The following RMST variants were observed in gnomAD, a reference collection of about 807,000 sequenced individuals.
The protein encoded by RMST is long intergenic non-protein coding RNA 54.
chr12:97,547,508 C>A (rs868717795), intron 11 of RMST, among the ~76,000 whole-genome samples: 1 of 152,146 alleles, frequency 6.6e-6, no homozygotes. Flanking sequence ...ACATTCTAAC[C>A]AATGGTGTGA....
chr12:97,527,326 G>A (rs190203690), intron 10 of RMST, among the ~76,000 whole-genome samples: 6 of 152,196 alleles, frequency 3.9e-5, no homozygotes, highest in South Asian at 4.1e-4. Flanking sequence ...TGCTTCAACC[G>A]TTAAAACATT....
intron 10 of RMST, among the ~76,000 whole-genome samples, chr12:97,507,653 C>T (rs1458724807): frequency 6.6e-6 from 1 of 152,150 alleles, no homozygotes; most frequent in Admixed American, 6.5e-5. Context: ...TAAAATGCCT[C>T]TAAGAAATCC....
intron 10 of RMST, among the ~76,000 whole-genome samples, chr12:97,529,834 A>G (rs555862137): frequency 1.3e-5 from 2 of 152,258 alleles, no homozygotes; most frequent in East Asian, 3.9e-4. Context: ...ACACTAATAT[A>G]TGATTTCAGT....
intron 10 of RMST, among the ~76,000 whole-genome samples, chr12:97,524,485 G>A (rs1023303660): frequency 4.6e-5 from 7 of 152,194 alleles, no homozygotes; most frequent in Non-Finnish European, 8.8e-5. Context: ...ACCTAATAGT[G>A]TCTAAAATTA....
chr12:97,559,039 C>T (rs1423949154), intron 11 of RMST, among the ~76,000 whole-genome samples: 1 of 151,422 alleles, frequency 6.6e-6, no homozygotes, highest in Non-Finnish European at 1.5e-5. Context: ...TCACACAGAA[C>T]GACACAAGAA....
intron 4 of RMST, among the ~76,000 whole-genome samples, chr12:97,464,589 G>A (rs1448034459): frequency 6.6e-6 from 1 of 152,152 alleles, no homozygotes; most frequent in African/African-American, 2.4e-5. Flanking sequence ...CTTTTGTAAT[G>A]GGTGCAGGGT....
At chr12:97,479,776 G>T (rs2136415392) in intron 5 of RMST, among the ~76,000 whole-genome samples, 1 of 152,144 alleles carries the variant, frequency 6.6e-6, no homozygotes, top group African/African-American at 2.4e-5. Flanking sequence ...CCACCATCAT[G>T]GTTTGTAGCT....
intron 5 of RMST, among the ~76,000 whole-genome samples, chr12:97,471,636 A>AT (rs1873930305): frequency 6.6e-6 from 1 of 152,098 alleles, no homozygotes; most frequent in Non-Finnish European, 1.5e-5. Flanking sequence ...TGGTGATTTC[A>AT]TTTTGACACT....
At chr12:97,537,260 C>T (rs1882145409) in intron 11 of RMST, among the ~76,000 whole-genome samples, 1 of 151,324 alleles carries the variant, frequency 6.6e-6, no homozygotes, top group Non-Finnish European at 1.5e-5. Context: ...AATTCATTAA[C>T]CATTTGAGTC....
chr12:97,548,074 A>G (rs1434544716), intron 11 of RMST, among the ~76,000 whole-genome samples: 1 of 152,040 alleles, frequency 6.6e-6, no homozygotes, highest in Non-Finnish European at 1.5e-5. Flanking sequence ...ATTTTTGTAT[A>G]TAGTTTGAAA....
intron 10 of RMST, among the ~76,000 whole-genome samples, chr12:97,497,679 A>ATTT (rs113722074): frequency 0.023 from 3,356 of 143,078 alleles, 132 homozygotes; most frequent in African/African-American, 0.081. Context: ...CACAAGGATG[A>ATTT]TTTTTTTTTT....
chr12:97,543,405 A>G (rs1882702455), intron 11 of RMST, among the ~76,000 whole-genome samples: 1 of 152,004 alleles, frequency 6.6e-6, no homozygotes, highest in Non-Finnish European at 1.5e-5. Flanking sequence ...ATCCCTCTAG[A>G]AAGTAAATGC....
chr12:97,563,701 T>C (rs540478167), intron 13 of RMST: 12 of 435,096 alleles, frequency 2.8e-5, no homozygotes, highest in Admixed American at 2.5e-4. Flanking sequence ...CAAGTGTGCT[T>C]CCTGTCACTT....
At chr12:97,523,944 T>C (rs35647250) in intron 10 of RMST, among the ~76,000 whole-genome samples, 11,963 of 151,290 alleles carry the variant, frequency 0.079, 987 homozygotes, top group Admixed American at 0.24. Flanking sequence ...GGCATGGTGG[T>C]GCGTGCCTGT....
At chr12:97,514,665 TTG>T (rs1030486163) in intron 10 of RMST, among the ~76,000 whole-genome samples, 4 of 146,824 alleles carry the variant, frequency 2.7e-5, no homozygotes, top group African/African-American at 1.1e-4. Flanking sequence ...GGAAAGTATA[TTG>T]TTTTTTTTTT....
chr12:97,523,715 T>G (rs1365895162), intron 10 of RMST, among the ~76,000 whole-genome samples: 1 of 152,178 alleles, frequency 6.6e-6, no homozygotes, highest in African/African-American at 2.4e-5. Context: ...ACAGCTTGCA[T>G]CTTATCTCAT....
chr12:97,513,327 G>C (rs190683370), intron 10 of RMST, among the ~76,000 whole-genome samples: 1 of 152,356 alleles, frequency 6.6e-6, no homozygotes, highest in Non-Finnish European at 1.5e-5. Flanking sequence ...TATGGTTTTT[G>C]TATTTTAAAA....
intron 11 of RMST, chr12:97,532,659 T>TG (rs1555233300): frequency 4.7e-5 from 7 of 150,166 alleles, no homozygotes; most frequent in Non-Finnish European, 8.9e-5. Flanking sequence ...TTTTTTTTTT[T>TG]TTTTTTTTTT....
At chr12:97,542,134 G>C (rs1343404220) in intron 11 of RMST, among the ~76,000 whole-genome samples, 1 of 151,884 alleles carries the variant, frequency 6.6e-6, no homozygotes, top group Non-Finnish European at 1.5e-5. Context: ...CCTGAGTTTA[G>C]ATCCTTGGTT....
Sources: allele counts gnomAD v4.1 joint callset (sites outside exome capture counted in the v4.1 genomes callset), GRCh38; gene constraint gnomAD v4.1.1; transcripts MANE v1.5; gene names NCBI Gene and HGNC (gene_info 2026-07-23, HGNC 2026-07-21).